RASSF8: variants seen among roughly 807,000 people sequenced by gnomAD.
RASSF8 encodes the protein Ras association domain family member 8.
Under a neutral mutation model 48.5 loss-of-function variants are expected in RASSF8, and 22 were observed. The ratio of observed to expected loss-of-function variants is 0.45; its 90% CI spans 0.32 to 0.65. The LOEUF (loss-of-function observed/expected upper bound fraction) is 0.65, where lower values mean the gene tolerates loss of function less well. Ranked by LOEUF, RASSF8 falls within the 30% of genes least tolerant of loss-of-function variation. The pLI is 0.03. For missense variants in RASSF8, 418 were observed against 489.2 expected (o/e 0.85, Z 1.37); for synonymous variants, 127 against 171.5 (o/e 0.74, Z 2.03).
intron 2 of RASSF8, among the ~76,000 whole-genome samples, chr12:26,053,238 G>A (rs1185540863): frequency 6.6e-6 from 1 of 151,522 alleles, no homozygotes; most frequent in Non-Finnish European, 1.5e-5. Context: ...TTTCTTGGTG[G>A]CAGGGGGGCT....
rs201246595 is a variant in RASSF8, at chr12:26,070,732, A to C, written c.*1914A>C. 1 of 948,938 alleles carries C rather than the reference A, an allele frequency of 1.1e-6. No individual in the cohort carries two copies. Among genetic ancestry groups the C allele is most frequent in the Non-Finnish European group, 1.2e-6 (1 of 804,128 alleles). 58.8% of individuals were successfully genotyped at this position (948,938 alleles called of 1,614,324 possible). A position where few individuals can be genotyped will look rare whatever the true frequency, so the allele number is the denominator to read the frequency against. ...AAAGTCATTTTGTTGTTGTTCAGAG[A>C]AATCAAGATCTTATTCACAAAGAAA... is the stretch of plus-strand genomic sequence containing the variant. On this transcript the variant is annotated 3_prime_UTR_variant, in exon 6 of 6. Coordinates refer to ENST00000689635, the MANE Select transcript of RASSF8 (RefSeq NM_001394098.1).
intron 2 of RASSF8, among the ~76,000 whole-genome samples, chr12:26,042,575 G>A (rs1943288431): frequency 6.6e-6 from 1 of 152,026 alleles, no homozygotes; most frequent in East Asian, 1.9e-4. Context: ...GTGATAAGGT[G>A]TTAAGAAATG....
At position 26,071,674 on chromosome 12, in the gene RASSF8, A is replaced by G; in HGVS notation, c.*2856A>G. ...TGCACAGGGACTTTTTTATAATATG[A>G]GACTTCAGTTGGTATTAATAGGAGT... On this transcript the variant is annotated 3_prime_UTR_variant, in exon 6 of 6. Transcript: ENST00000689635. The G allele has an allele frequency of 1.0e-6, 1 of 983,644 alleles. No individual in the cohort carries two copies. Among genetic ancestry groups the G allele is most frequent in the South Asian group, 4.7e-5 (1 of 21,240 alleles). The allele number at this position is 983,644 out of a possible 1,614,324, so 60.9% of individuals were successfully genotyped here.
chr12:26,064,697 A>T lies in RASSF8; in HGVS notation c.303A>T (p.Leu101Phe), dbSNP rs1943826367. ...DSVARIPERT[L>F]YRQSLPPLAK... ...TGGCTCGAATTCCTGAAAGAACTTT[A>T]TACAGGCAGAGTCTGCCCCCCTTAG... Residue 101 changes from leucine (L) to phenylalanine (F), a missense_variant, in exon 4 of 6, where the codon TTA (leucine) becomes TTT (phenylalanine). Transcript: ENST00000689635. 11 of 1,614,038 alleles carry T rather than the reference A, an allele frequency of 6.8e-6. No homozygotes were observed. Among genetic ancestry groups the T allele is most frequent in the Non-Finnish European group, 9.3e-6 (11 of 1,180,016 alleles).
At chr12:26,010,418 TAGA>T (rs1171750027) in intron 2 of RASSF8, among the ~76,000 whole-genome samples, 1 of 152,058 alleles carries the variant, frequency 6.6e-6, no homozygotes, top group Non-Finnish European at 1.5e-5. Context: ...GGGCACGAAG[TAGA>T]AGGAGGCATT....
chr12:26,021,467 T>TGCTA, intron 2 of RASSF8: 1 of 152,278 alleles, frequency 6.6e-6, no homozygotes, highest in East Asian at 1.9e-4. Context: ...GAGAGCAAAC[T>TGCTA]GCTAGCATTT....
intron 2 of RASSF8, among the ~76,000 whole-genome samples, chr12:26,051,539 T>TAAGTATA (rs1320856406): frequency 1.3e-5 from 2 of 152,212 alleles, no homozygotes; most frequent in Non-Finnish European, 2.9e-5. Context: ...TAATATGCAA[T>TAAGTATA]AAGTATAAAT....
intron 1 of RASSF8, among the ~76,000 whole-genome samples, chr12:25,965,988 A>G (rs556164481): frequency 6.6e-6 from 1 of 152,348 alleles, no homozygotes; most frequent in Admixed American, 6.5e-5. Flanking sequence ...TAAAGCTGTT[A>G]TGAATACTTG....
At chr12:26,007,427 A>G (rs1188669202) in intron 2 of RASSF8, among the ~76,000 whole-genome samples, 2 of 152,252 alleles carry the variant, frequency 1.3e-5, no homozygotes, top group East Asian at 1.9e-4. Context: ...GGCTTACAGC[A>G]TCTACTGGAA....
intron 3 of RASSF8, among the ~76,000 whole-genome samples, chr12:26,056,886 C>T (rs936064038): frequency 6.6e-6 from 1 of 152,004 alleles, no homozygotes; most frequent in South Asian, 2.1e-4. Context: ...GTAATTGTCA[C>T]TATTAAGAGC....
rs569761273 is a variant in RASSF8 at position 26,060,088 on chromosome 12, G to A, written c.104-4410G>A. The stretch of plus-strand genomic sequence containing the variant: ...AATTTTTGCTATTTTTAGTAGAGAC[G>A]GGGTTTCACCGTGTTAGCCAGGATG... On this transcript the variant is annotated intron_variant, in intron 3 of 5. Coordinates refer to ENST00000689635, the MANE Select transcript of RASSF8 (RefSeq NM_001394098.1). 6.6e-5 allele frequency among the ~76,000 whole-genome samples: 10 copies of A among 152,210 alleles called. No individual in the cohort carries two copies. In the South Asian group the frequency reaches 1.7e-3, roughly 25 times the overall value.
chr12:25,966,511 T>C (rs1330573352), intron 1 of RASSF8, among the ~76,000 whole-genome samples: 2 of 152,224 alleles, frequency 1.3e-5, no homozygotes, highest in Non-Finnish European at 2.9e-5. Context: ...CCAGCCATCA[T>C]TGTGGTTTTA....
chr12:26,043,503 A>G (rs1253254849), intron 2 of RASSF8, among the ~76,000 whole-genome samples: 3 of 152,214 alleles, frequency 2.0e-5, no homozygotes, highest in Non-Finnish European at 2.9e-5. Context: ...GTTTTATTTG[A>G]AAAACATTTA....
intron 2 of RASSF8, among the ~76,000 whole-genome samples, chr12:26,025,589 A>T (rs1019480143): frequency 6.6e-6 from 1 of 150,426 alleles, no homozygotes; most frequent in Non-Finnish European, 1.5e-5. Context: ...AAGCATTCAG[A>T]TTGGAAAGGA....
At chr12:26,037,037 C>T (rs1943167901) in intron 2 of RASSF8, among the ~76,000 whole-genome samples, 1 of 152,044 alleles carries the variant, frequency 6.6e-6, no homozygotes, top group African/African-American at 2.4e-5. Flanking sequence ...TTACTATTAA[C>T]AGTATTGGTT....
chr12:26,059,222 G>C (rs868345195), intron 3 of RASSF8, among the ~76,000 whole-genome samples: 1 of 152,262 alleles, frequency 6.6e-6, no homozygotes, highest in Middle Eastern at 3.4e-3. Context: ...TAAAAGTCCA[G>C]CTAACAAAAG....
intron 2 of RASSF8, among the ~76,000 whole-genome samples, chr12:26,038,714 G>C (rs1943204192): frequency 1.3e-5 from 2 of 151,748 alleles, no homozygotes; most frequent in South Asian, 4.2e-4. Context: ...GTAGTGCTCA[G>C]TGAAGCCCTA....
At chr12:26,066,700 T>C (rs1943883082) in intron 4 of RASSF8, among the ~76,000 whole-genome samples, 1 of 152,302 alleles carries the variant, frequency 6.6e-6, no homozygotes, top group African/African-American at 2.4e-5. Context: ...TATTGATATA[T>C]CCCCAAGTAC....
At chr12:26,037,965 A>G (rs572459193) in intron 2 of RASSF8, among the ~76,000 whole-genome samples, 8 of 152,218 alleles carry the variant, frequency 5.3e-5, no homozygotes, top group African/African-American at 9.6e-5. Flanking sequence ...GGCCAGCTCA[A>G]TTCTGGGACT....
Sources: allele counts gnomAD v4.1 joint callset (sites outside exome capture counted in the v4.1 genomes callset), GRCh38; gene constraint gnomAD v4.1.1; transcripts MANE v1.5; gene names NCBI Gene and HGNC (gene_info 2026-07-23, HGNC 2026-07-21).